The following NRIP3 variants were observed in gnomAD, a reference collection of about 807,000 sequenced individuals.
NRIP3 encodes the protein nuclear receptor-interacting protein 3.
In NRIP3, 31 loss-of-function variants were observed where a neutral mutation model predicts 29.0. That is an observed-to-expected ratio of 1.07 (90% CI 0.80 to 1.44). NRIP3 has a LOEUF of 1.44. NRIP3 is among the 40% of genes most tolerant of loss of function. The pLI, the probability that NRIP3 is intolerant of heterozygous loss-of-function variation, is 0.00. For synonymous variants in NRIP3, 131 were observed against 118.3 expected, an observed-to-expected ratio of 1.11 and a Z score of -0.70; for missense variants, 314 against 297.9, an observed-to-expected ratio of 1.05 and a Z score of -0.40.
At chr11:9,001,459 A>G (rs1173533694) in intron 1 of NRIP3, among the ~76,000 whole-genome samples, 3 of 152,196 alleles carry the variant, frequency 2.0e-5, no homozygotes, top group African/African-American at 7.2e-5. Context: ...AAAAGTCAAT[A>G]ACAACTAATT....
In NRIP3 at chr11:8,999,104, G is replaced by A. The variant is rs370821892; in HGVS notation, c.174+4658C>T. Among the ~76,000 whole-genome samples the A allele has an allele frequency of 8.5e-5, 13 of 152,132 alleles. No homozygotes were observed. The East Asian group carries it at 1.9e-3, about 23-fold the overall frequency. ...AGGCATGAGCCAGCGCGCCCAGCCC[G>A]CAAACTCTTCATTCTTATTTGCCAT... On this transcript the variant is annotated intron_variant, in intron 1 of 6. Transcript: ENST00000309166.
At chr11:8,993,020 T>C (rs1279173706) in intron 1 of NRIP3, among the ~76,000 whole-genome samples, 2 of 152,038 alleles carry the variant, frequency 1.3e-5, no homozygotes, top group African/African-American at 2.4e-5. Context: ...CTGAAAGATA[T>C]GCATGCTTCA....
At chr11:9,001,890 C>A (rs976565911) in intron 1 of NRIP3, among the ~76,000 whole-genome samples, 1 of 152,188 alleles carries the variant, frequency 6.6e-6, no homozygotes, top group South Asian at 2.1e-4. Context: ...GCACAGAAAG[C>A]GTGAACCATG....
At position 8,982,869 on chromosome 11, in the gene NRIP3, C is replaced by T; in HGVS notation, c.*676G>A. 4.9e-6 allele frequency: 2 copies of T among 410,510 alleles called. No homozygotes were observed. The highest frequency in any genetic ancestry group is 9.6e-6 in the Non-Finnish European group (2 of 208,142). The allele number at this position is 410,510 out of a possible 1,614,324, so 25.4% of individuals were successfully genotyped here. A position where few individuals can be genotyped will look rare whatever the true frequency, so the allele number is the denominator to read the frequency against. On this transcript the variant is annotated 3_prime_UTR_variant, in exon 7 of 7. Transcript: ENST00000309166. ...TTTAACACATTCTCACCTCTTTGCC[C>T]TCCTGTTAAAGGCTTGAATACAAAT...
chr11:9,003,831 G>A lies in NRIP3; in HGVS notation c.105C>T (p.Phe35=), dbSNP rs373925753. ...GCAGGTCGGCGGAGTCCTTGTGGAT[G>A]AACTGCACCGCCTGCTTCATCCGGC... ...QQRRMKQAVQ[F]IHKDSADLLP... Residue 35 remains phenylalanine, a synonymous_variant, in exon 1 of 7, where the codon TTC becomes TTT. Transcript: ENST00000309166. The A allele has an allele frequency of 1.4e-4, 213 of 1,521,502 alleles. 1 individual carries two copies. The highest frequency in any genetic ancestry group is 2.3e-4 in the Middle Eastern group (1 of 4,324). The allele number at this position is 1,521,502 out of a possible 1,614,324, so 94.3% of individuals were successfully genotyped here.
chr11:8,992,770 C>T (rs535216710), intron 1 of NRIP3, among the ~76,000 whole-genome samples: 12 of 152,074 alleles, frequency 7.9e-5, no homozygotes, highest in African/African-American at 1.7e-4. Flanking sequence ...AAAAATTAGC[C>T]GGGCGTGGTG....
At chr11:8,996,275 C>CTTTTTTTTTTTT (rs386373056) in intron 1 of NRIP3, among the ~76,000 whole-genome samples, 45 of 82,950 alleles carry the variant, frequency 5.4e-4, no homozygotes, top group South Asian at 1.7e-3. Flanking sequence ...CCTTTTTTTC[C>CTTTTTTTTTTTT]TTTTTTTTTT....
At chr11:8,996,055 C>A (rs1854697751) in intron 1 of NRIP3, among the ~76,000 whole-genome samples, 1 of 152,150 alleles carries the variant, frequency 6.6e-6, no homozygotes, top group African/African-American at 2.4e-5. Context: ...GGTAGGTCAC[C>A]TTTTTAGTTA....
intron 1 of NRIP3, among the ~76,000 whole-genome samples, chr11:8,991,024 A>G (rs1306965578): frequency 1.3e-5 from 2 of 152,202 alleles, no homozygotes; most frequent in African/African-American, 4.8e-5. Flanking sequence ...TTTTCTGTCC[A>G]GGTGCGGTGG....
intron 3 of NRIP3, among the ~76,000 whole-genome samples, chr11:8,986,147 C>G (rs1003732008): frequency 5.9e-5 from 9 of 152,158 alleles, no homozygotes; most frequent in African/African-American, 2.2e-4. Context: ...TCCTACTATC[C>G]CCACTATTGT....
Position 8,983,520 on chromosome 11 carries a change from C to T in NRIP3, c.*25G>A, listed in dbSNP as rs1166138578. ...TCAACCCGGTGTGTATGCATGCACA[C>T]GTGCAGACATGCTGCAGGCTGTAGT... On this transcript the variant is annotated 3_prime_UTR_variant, in exon 7 of 7. Coordinates refer to ENST00000309166, the MANE Select transcript of NRIP3 (RefSeq NM_020645.3). The T allele has an allele frequency of 1.9e-6, 3 of 1,611,936 alleles. No individual in the cohort carries two copies. Among genetic ancestry groups the T allele is most frequent in the East Asian group, 2.2e-5 (1 of 44,878 alleles).
At position 8,983,539 on chromosome 11, in the gene NRIP3, C is replaced by T. The variant is rs750139742; in HGVS notation, c.*6G>A. The T allele has an allele frequency of 6.2e-7, 1 of 1,613,682 alleles. No homozygotes were observed. The highest frequency in any genetic ancestry group is 8.5e-7 in the Non-Finnish European group (1 of 1,179,736). On this transcript the variant is annotated 3_prime_UTR_variant, in exon 7 of 7. Coordinates refer to ENST00000309166, the MANE Select transcript of NRIP3 (RefSeq NM_020645.3). ...TGCACACGTGCAGACATGCTGCAGGCTGTAGTTATGCTTCTGAAGTGCTGA... is the reference window on the plus strand; with the variant it reads ...TGCACACGTGCAGACATGCTGCAGGTTGTAGTTATGCTTCTGAAGTGCTGA...
intron 6 of NRIP3, 106 bp downstream of exon 6, chr11:8,983,769 G>T: frequency 9.6e-7 from 1 of 1,038,630 alleles, no homozygotes; most frequent in Non-Finnish European, 1.5e-6. Flanking sequence ...ATAATTGAAA[G>T]CCAAAGACAG....
intron 1 of NRIP3, among the ~76,000 whole-genome samples, chr11:8,998,539 C>CA (rs1854746294): frequency 6.6e-6 from 1 of 152,166 alleles, no homozygotes; most frequent in Admixed American, 6.6e-5. Context: ...TACCATCTCA[C>CA]AGTCAGCTGG....
chr11:9,002,691 C>T (rs996375627), intron 1 of NRIP3, among the ~76,000 whole-genome samples: 35 of 149,980 alleles, frequency 2.3e-4, no homozygotes, highest in Non-Finnish European at 7.4e-5. Context: ...CCGACAACCA[C>T]ATCCAAAATT....
rs760428681 is a variant in NRIP3 at position 8,983,310 on chromosome 11, G to T, written c.*235C>A. 3.5e-6 allele frequency: 2 copies of T among 577,474 alleles called. No individual in the cohort carries two copies. The highest frequency in any genetic ancestry group is 6.2e-6 in the Non-Finnish European group (2 of 323,470). 35.8% of individuals were successfully genotyped at this position (577,474 alleles called of 1,614,324 possible). ...AGTGAGACTGGCAGTGTCAAAAAAG[G>T]TCTATAAGTTAAGTGATCAAAGTAG... On this transcript the variant is annotated 3_prime_UTR_variant, in exon 7 of 7. Transcript: ENST00000309166.
rs1324218381 is a variant in NRIP3 at position 9,003,757 on chromosome 11, C to T, written c.174+5G>A. On this transcript the variant is annotated splice_donor_5th_base_variant and intron_variant, in intron 1 of 6. Coordinates refer to ENST00000309166, the MANE Select transcript of NRIP3 (RefSeq NM_020645.3). ...GCCGGGGCGAGAACGGCGGCGGGGG[C>T]TCACCATGTCCTTGGACGAGCCCAG... 18 of 1,409,242 alleles carry T rather than the reference C, an allele frequency of 1.3e-5. No individual in the cohort carries two copies. The Admixed American group carries it at 2.2e-4, about 17-fold the overall frequency. 87.3% of individuals were successfully genotyped at this position (1,409,242 alleles called of 1,614,324 possible). A position where few individuals can be genotyped will look rare whatever the true frequency, so the allele number is the denominator to read the frequency against.
chr11:9,003,902 G>A lies in NRIP3; in HGVS notation c.34C>T (p.Arg12Cys), dbSNP rs1854862768. 2.2e-5 allele frequency: 34 copies of A among 1,521,396 alleles called. No homozygotes were observed. The highest frequency in any genetic ancestry group is 4.3e-5 in the African/African-American group (3 of 69,696). 94.2% of individuals were successfully genotyped at this position (1,521,396 alleles called of 1,614,324 possible). The change falls in exon 1 of 7, where the codon CGC becomes TGC. Residue 12 changes from arginine to cysteine, a missense_variant. Transcript: ENST00000309166. ...GCCTCCCGCATGTCGGTCTCCTTGC[G>A]GCCGCCCTCAGTGAGGAGCCCTGAG... ...FYSGLLTEGG[R>C]KETDMREAAS... is the part of the protein sequence containing the mutation.
At chr11:8,997,355 CAAAAA>C (rs11324721) in intron 1 of NRIP3, among the ~76,000 whole-genome samples, 3 of 100,860 alleles carry the variant, frequency 3.0e-5, no homozygotes, top group East Asian at 2.9e-4. Flanking sequence ...GACTCCGTCT[CAAAAA>C]AAAAAAAAAA....
Sources: allele counts gnomAD v4.1 joint callset (sites outside exome capture counted in the v4.1 genomes callset), GRCh38; gene constraint gnomAD v4.1.1; transcripts MANE v1.5; gene names NCBI Gene and HGNC (gene_info 2026-07-23, HGNC 2026-07-21).